RNF125: variants seen among roughly 807,000 people sequenced by gnomAD.
RNF125 encodes the protein ring finger protein 125.
RNF125 carries 21 observed loss-of-function variants against 26.0 expected under a neutral mutation model. That is an observed-to-expected ratio of 0.81 (90% CI 0.57 to 1.16). The LOEUF (loss-of-function observed/expected upper bound fraction) is 1.16, where lower values mean the gene tolerates loss of function less well. Ranked by LOEUF, RNF125 falls within the 50% of genes most tolerant of loss-of-function variation. The pLI is 0.00. For missense variants in RNF125, 270 were observed against 299.4 expected (o/e 0.90, Z 0.72); for synonymous variants, 95 against 109.2 (o/e 0.87, Z 0.81).
chr18:32,037,297 TG>T (rs755618665), intron 2 of RNF125, 28 bp downstream of exon 2: 15 of 1,460,756 alleles, frequency 1.0e-5, no homozygotes. Flanking sequence ...CCTATTTTCA[TG>T]GTTACCAGCT....
At chr18:32,044,067 C>T (rs969711595) in intron 3 of RNF125, among the ~76,000 whole-genome samples, 5 of 151,408 alleles carry the variant, frequency 3.3e-5, no homozygotes, top group Non-Finnish European at 5.9e-5. Flanking sequence ...AGTGCAGCAG[C>T]GCAATCTTGG....
intron 1 of RNF125, among the ~76,000 whole-genome samples, chr18:32,031,940 C>T (rs2039101132): frequency 6.6e-6 from 1 of 152,070 alleles, no homozygotes; most frequent in Admixed American, 6.6e-5. Context: ...CTTGCTGTTG[C>T]CCAGGCTGGA....
intron 5 of RNF125, among the ~76,000 whole-genome samples, chr18:32,067,712 GT>G (rs986612980): frequency 2.0e-5 from 3 of 151,984 alleles, no homozygotes; most frequent in African/African-American, 4.8e-5. Flanking sequence ...TTTTTGTTTT[GT>G]TTTTATATTG....
intron 1 of RNF125, among the ~76,000 whole-genome samples, chr18:32,022,957 A>C (rs1255295157): frequency 2.0e-5 from 3 of 152,056 alleles, no homozygotes; most frequent in Non-Finnish European, 2.9e-5. Flanking sequence ...TTTTTAAAAC[A>C]TTAAACATTT....
rs2039515987 is a variant in RNF125, at chr18:32,069,681, GC to G, written c.*1299del. 6.6e-6 allele frequency: 1 copy of G among 152,102 alleles called. No individual in the cohort carries two copies. Among genetic ancestry groups the G allele is most frequent in the African/African-American group, 2.4e-5 (1 of 41,422 alleles). The allele number at this position is 152,102 out of a possible 1,614,324, so 9.4% of individuals were successfully genotyped here. A position where few individuals can be genotyped will look rare whatever the true frequency, so the allele number is the denominator to read the frequency against. ...CACTTTGTTGCATTTGATTACTGCT[GC>G]CACACCTAAATGCATATATCTATAT... On this transcript the variant is annotated 3_prime_UTR_variant, in exon 6 of 6. Coordinates refer to ENST00000217740, the MANE Select transcript of RNF125 (RefSeq NM_017831.4).
intron 4 of RNF125, among the ~76,000 whole-genome samples, chr18:32,048,489 G>A (rs2039294893): frequency 6.6e-6 from 1 of 151,248 alleles, no homozygotes; most frequent in African/African-American, 2.4e-5. Context: ...AATCCTCACA[G>A]CAATCCTATG....
chr18:32,082,329 C>A, the RNF125 span, among the ~76,000 whole-genome samples: 1 of 152,034 alleles, frequency 6.6e-6, no homozygotes, highest in Non-Finnish European at 1.5e-5. Flanking sequence ...CACACAAACA[C>A]ACACACACAC....
chr18:32,054,028 C>G (rs886235905), intron 4 of RNF125, among the ~76,000 whole-genome samples: 4 of 150,398 alleles, frequency 2.7e-5, no homozygotes, highest in Non-Finnish European at 5.9e-5. Context: ...GTTAGATGCT[C>G]TCACCTATGA....
At chr18:32,026,356 C>A in intron 1 of RNF125, among the ~76,000 whole-genome samples, 1 of 146,090 alleles carries the variant, frequency 6.8e-6, no homozygotes, top group African/African-American at 2.5e-5. Flanking sequence ...TCAAGCAATT[C>A]TCCTGTCTCA....
the RNF125 span, among the ~76,000 whole-genome samples, chr18:32,087,587 T>A: frequency 2.0e-5 from 3 of 151,602 alleles, no homozygotes; most frequent in African/African-American, 7.3e-5. Flanking sequence ...TCTGTGTTGA[T>A]TGTTGTGGTG....
chr18:32,019,990 GCTCT>G (rs1164907089), intron 1 of RNF125, among the ~76,000 whole-genome samples: 4 of 150,896 alleles, frequency 2.7e-5, no homozygotes, highest in East Asian at 3.9e-4. Context: ...GTGAATTTGT[GCTCT>G]CTGTTTACTG....
rs531751585 is a variant in RNF125, at chr18:32,050,865, C to CT, written c.504+5167dup. 5.9e-3 allele frequency among the ~76,000 whole-genome samples: 275 copies of CT among 46,336 alleles called. 55 individuals are homozygous for CT. The highest frequency in any genetic ancestry group is 0.012 in the Admixed American group (34 of 2,742). The allele number at this position is 46,336 out of a possible 152,430, so 30.4% of individuals were successfully genotyped here. ...CCAGCTAGTCTCTCGGTCTAGAGTGCTTTTTTTTTTTTTTTTTTTTTTTTT... is the reference window on the plus strand; with the variant it reads ...CCAGCTAGTCTCTCGGTCTAGAGTGCTTTTTTTTTTTTTTTTTTTTTTTTTT... On this transcript the variant is annotated intron_variant, in intron 4 of 5. Coordinates refer to ENST00000217740, the MANE Select transcript of RNF125 (RefSeq NM_017831.4).
chr18:32,073,609 A>G (rs1228037311), downstream of RNF125, among the ~76,000 whole-genome samples: 1 of 152,260 alleles, frequency 6.6e-6, no homozygotes, highest in Non-Finnish European at 1.5e-5. Context: ...TTTAAAAGGT[A>G]AGATGTAGAT....
intron 1 of RNF125, among the ~76,000 whole-genome samples, chr18:32,026,242 C>CTTTTTTTTT (rs1181390375): frequency 9.6e-5 from 7 of 73,142 alleles, no homozygotes; most frequent in African/African-American, 1.9e-4. Context: ...AGCACCCGGT[C>CTTTTTTTTT]TTTTTTTTTT....
At chr18:32,045,400 A>G (rs1323242112) in intron 3 of RNF125, among the ~76,000 whole-genome samples, 2 of 151,166 alleles carry the variant, frequency 1.3e-5, no homozygotes, top group African/African-American at 4.9e-5. Context: ...CTCTACTAAA[A>G]ATACAAAGAT....
At position 32,041,375 on chromosome 18, in the gene RNF125, A is replaced by G. The variant is rs565028988; in HGVS notation, c.319-804A>G. Among the ~76,000 whole-genome samples, 4 of 152,278 alleles carry G rather than the reference A, an allele frequency of 2.6e-5. No individual in the cohort carries two copies. The East Asian group carries it at 7.7e-4, about 29-fold the overall frequency. On this transcript the variant is annotated intron_variant, in intron 2 of 5. Coordinates refer to ENST00000217740, the MANE Select transcript of RNF125 (RefSeq NM_017831.4). ...AACCATGGTATTTATATCTTTCCCT[A>G]AGGCACAGTGTTTCATTTAACTTGC...
At chr18:32,090,154 G>C in the RNF125 span, among the ~76,000 whole-genome samples, 1 of 152,206 alleles carries the variant, frequency 6.6e-6, no homozygotes, top group Non-Finnish European at 1.5e-5. Context: ...GCTGAGGCAG[G>C]AGAGTTGCTT....
At chr18:32,047,351 G>A (rs115752576) in intron 4 of RNF125, among the ~76,000 whole-genome samples, 2 of 152,140 alleles carry the variant, frequency 1.3e-5, no homozygotes, top group East Asian at 3.9e-4. Context: ...TTGTTAACCA[G>A]TTTTTAGAAT....
intron 4 of RNF125, among the ~76,000 whole-genome samples, chr18:32,059,328 A>G (rs2039414568): frequency 6.6e-6 from 1 of 152,168 alleles, no homozygotes; most frequent in African/African-American, 2.4e-5. Flanking sequence ...CTGCGGTGAG[A>G]TGATATCTCA....
Sources: gnomAD v4.1 joint callset for allele counts (sites outside exome capture counted in the v4.1 genomes callset) on GRCh38, gnomAD v4.1.1 for gene constraint, MANE v1.5 for transcripts, NCBI Gene and HGNC (gene_info 2026-07-23, HGNC 2026-07-21) for gene names.